Variants in C12orf42 observed in about 807,000 individuals in gnomAD.
The protein encoded by C12orf42 is uncharacterized protein C12orf42.
Under a neutral mutation model 21.6 loss-of-function variants are expected in C12orf42, and 25 were observed. The observed-to-expected ratio is 1.16, with a 90% CI of 0.84 to 1.62. The LOEUF is 1.62. Among genes scored for constraint, C12orf42 ranks in the 40% most tolerant of loss-of-function variants. The pLI is 0.00. For synonymous variants in C12orf42, 174 were observed against 175.0 expected (o/e 0.99, Z 0.05); for missense variants, 483 against 459.3 (o/e 1.05, Z -0.47).
chr12:103,061,458 A>G, the C12orf42 span, among the ~76,000 whole-genome samples: 1 of 151,500 alleles, frequency 6.6e-6, no homozygotes, highest in Admixed American at 6.6e-5. Flanking sequence ...TTGCTTTATC[A>G]TTATTAAATA....
the C12orf42 span, among the ~76,000 whole-genome samples, chr12:103,225,387 C>A: frequency 2.0e-5 from 3 of 152,088 alleles, no homozygotes; most frequent in Admixed American, 6.5e-5. Context: ...TGATAACAGG[C>A]TTTAATCTTT....
chr12:103,379,122 A>G (rs551339815), intron 3 of C12orf42, among the ~76,000 whole-genome samples: 19 of 152,304 alleles, frequency 1.2e-4, no homozygotes, highest in Middle Eastern at 3.4e-3. Context: ...CTGAGGTTTT[A>G]TATGTGATCA....
chr12:103,273,975 A>T, intron 5 of C12orf42: 1 of 454,548 alleles, frequency 2.2e-6, no homozygotes, highest in South Asian at 1.6e-5. Flanking sequence ...GTCAAGAAAA[A>T]TCCCCCCAAG....
At chr12:103,146,560 A>AAAAAGAAAG in the C12orf42 span, among the ~76,000 whole-genome samples, 54 of 120,054 alleles carry the variant, frequency 4.5e-4, no homozygotes, top group South Asian at 2.1e-3. Context: ...ATAAAGAAAG[A>AAAAAGAAAG]AAAGAAAGAA....
the C12orf42 span, among the ~76,000 whole-genome samples, chr12:103,531,581 A>G: frequency 3.1e-4 from 47 of 152,350 alleles, no homozygotes; most frequent in African/African-American, 1.0e-3. Flanking sequence ...TCATGATTTC[A>G]GAGGTTTGAG....
the C12orf42 span, among the ~76,000 whole-genome samples, chr12:103,049,084 A>G: frequency 2.6e-5 from 4 of 152,192 alleles, no homozygotes; most frequent in African/African-American, 7.2e-5. Flanking sequence ...TTTCTGTGTT[A>G]ATAAATCCAA....
chr12:103,344,887 G>A (rs1477982087), intron 4 of C12orf42, among the ~76,000 whole-genome samples: 1 of 152,230 alleles, frequency 6.6e-6, no homozygotes, highest in Non-Finnish European at 1.5e-5. Context: ...ACTGGGAGAA[G>A]TGACATGGTT....
At chr12:103,276,900 AG>A (rs140141887) in intron 5 of C12orf42, among the ~76,000 whole-genome samples, 3,015 of 152,268 alleles carry the variant, frequency 0.02, 94 homozygotes, top group African/African-American at 0.068. Context: ...TGTTACTTTT[AG>A]GTCAATTTGG....
At chr12:103,147,171 C>A in the C12orf42 span, among the ~76,000 whole-genome samples, 1 of 152,114 alleles carries the variant, frequency 6.6e-6, no homozygotes, top group Non-Finnish European at 1.5e-5. Flanking sequence ...CTTTTACAGA[C>A]AAGGAGGCCT....
intron 10 of C12orf42, among the ~76,000 whole-genome samples, chr12:103,249,842 A>C (rs932318305): frequency 1.3e-5 from 2 of 152,094 alleles, no homozygotes; most frequent in Non-Finnish European, 2.9e-5. Context: ...CAAACCAGTC[A>C]ATCCTTAGAT....
chr12:103,527,244 C>A, the C12orf42 span, among the ~76,000 whole-genome samples: 1 of 152,122 alleles, frequency 6.6e-6, no homozygotes, highest in Non-Finnish European at 1.5e-5. Flanking sequence ...TGCTTGAGAG[C>A]TGGATCTGTG....
rs561801492 is a variant in C12orf42 at position 103,431,637 on chromosome 12, T to C, written c.79-29962A>G. On this transcript the variant is annotated intron_variant, in intron 2 of 5. Transcript: ENST00000548883. ...AAATGAGACAATATACACATATACA[T>C]TACATACCCTGGCCCACAATAAGTG... Among the ~76,000 whole-genome samples, 4 of 152,320 alleles carry C rather than the reference T, an allele frequency of 2.6e-5. No homozygotes were observed. In the East Asian group the frequency reaches 7.7e-4, roughly 29 times the overall value.
intron 1 of C12orf42, among the ~76,000 whole-genome samples, chr12:103,482,277 C>G (rs12306466): frequency 1.3e-5 from 2 of 151,860 alleles, no homozygotes; most frequent in East Asian, 3.9e-4. Flanking sequence ...TGTTTGGAAA[C>G]GTCTTTATTT....
At chr12:103,054,830 C>A in the C12orf42 span, among the ~76,000 whole-genome samples, 2 of 151,792 alleles carry the variant, frequency 1.3e-5, no homozygotes, top group Admixed American at 1.3e-4. Context: ...ATTGATATGA[C>A]CATGTGATAT....
intron 4 of C12orf42, among the ~76,000 whole-genome samples, chr12:103,367,694 G>T (rs1043774286): frequency 6.6e-6 from 1 of 151,928 alleles, no homozygotes; most frequent in Non-Finnish European, 1.5e-5. Context: ...GCAGATTGGA[G>T]CAGAAGTAGG....
intron 2 of C12orf42, among the ~76,000 whole-genome samples, chr12:103,458,185 T>C (rs767431676): frequency 6.6e-6 from 1 of 152,198 alleles, no homozygotes; most frequent in Non-Finnish European, 1.5e-5. Context: ...ACTCTGTGTC[T>C]GTATAGAATC....
chr12:103,494,874 G>T (rs1955415979), intron 1 of C12orf42, among the ~76,000 whole-genome samples: 2 of 152,154 alleles, frequency 1.3e-5, no homozygotes, highest in African/African-American at 4.8e-5. Context: ...GAATGGGAGG[G>T]TTTCCCGGGA....
chr12:103,129,973 A>G, the C12orf42 span, among the ~76,000 whole-genome samples: 1 of 152,160 alleles, frequency 6.6e-6, no homozygotes, highest in Non-Finnish European at 1.5e-5. Flanking sequence ...GATAACATCA[A>G]GGATACCAAC....
chr12:103,305,077 A>T (rs568323219), intron 5 of C12orf42, among the ~76,000 whole-genome samples: 12 of 152,214 alleles, frequency 7.9e-5, no homozygotes, highest in African/African-American at 2.9e-4. Flanking sequence ...AAAATACACT[A>T]ACACTGATGA....
Sources: allele counts gnomAD v4.1 joint callset (sites outside exome capture counted in the v4.1 genomes callset), GRCh38; gene constraint gnomAD v4.1.1; transcripts MANE v1.5; gene names NCBI Gene and HGNC (gene_info 2026-07-23, HGNC 2026-07-21).